MSN: variants seen among roughly 807,000 people sequenced by gnomAD.
MSN encodes the protein moesin, also known as epididymis luminal protein 70.
Under a neutral mutation model 48.0 loss-of-function variants are expected in MSN, and 2 were observed. The observed-to-expected ratio is 0.04, with a 90% CI of 0.02 to 0.13. MSN has a LOEUF of 0.13. MSN is among the 10% of genes least tolerant of loss of function. The probability of loss-of-function intolerance (pLI) is 1.00; values close to 1 mark genes in which losing one functional copy is unlikely to be tolerated. For missense variants in MSN, 267 were observed against 470.1 expected, an observed-to-expected ratio of 0.57 and a Z score of 3.99; for synonymous variants, 146 against 166.9, an observed-to-expected ratio of 0.87 and a Z score of 0.97.
chrX:65,655,498 T>C (rs1483119739), intron 1 of MSN, among the ~76,000 whole-genome samples: 1 of 112,344 alleles, frequency 8.9e-6, no homozygotes, highest in African/African-American at 3.2e-5. Context: ...TCCCAGAGTA[T>C]GGGGTCATGT....
chrX:65,654,288 T>G (rs1015930243), intron 1 of MSN, among the ~76,000 whole-genome samples: 2 of 107,803 alleles, frequency 1.9e-5, no homozygotes, highest in African/African-American at 3.4e-5. Flanking sequence ...TATTTATTTT[T>G]TTTTTGTATT....
intron 1 of MSN, among the ~76,000 whole-genome samples, chrX:65,713,897 A>C (rs2071437280): frequency 8.9e-6 from 1 of 111,938 alleles, no homozygotes; most frequent in African/African-American, 3.2e-5. Flanking sequence ...CTCGTGCCTC[A>C]GCCACCAAAG....
At chrX:65,646,667 C>T (rs764844771) in intron 1 of MSN, among the ~76,000 whole-genome samples, 3 of 112,124 alleles carry the variant, frequency 2.7e-5, no homozygotes, top group Admixed American at 9.5e-5. Context: ...CTAGTATGGC[C>T]GGGCGTGGTG....
intron 1 of MSN, among the ~76,000 whole-genome samples, chrX:65,671,499 G>A (rs748455377): frequency 2.9e-4 from 33 of 111,884 alleles, no homozygotes; most frequent in South Asian, 7.6e-4. Context: ...CACTCGAGTG[G>A]CACTAAAGTG....
chrX:65,687,624 G>T (rs2071128049), intron 1 of MSN, among the ~76,000 whole-genome samples: 2 of 111,852 alleles, frequency 1.8e-5, no homozygotes, highest in African/African-American at 3.3e-5. Flanking sequence ...TCTGGAGCAA[G>T]GAAAGTGATA....
intron 1 of MSN, among the ~76,000 whole-genome samples, chrX:65,684,742 A>G (rs1344108231): frequency 1.8e-5 from 2 of 110,906 alleles, no homozygotes; most frequent in Non-Finnish European, 3.8e-5. Context: ...CTGGCCAAAA[A>G]AGCTTTTTTA....
upstream of MSN, among the ~76,000 whole-genome samples, chrX:65,665,123 T>C (rs933976274): frequency 3.6e-5 from 4 of 111,219 alleles, no homozygotes; most frequent in Non-Finnish European, 7.5e-5. Flanking sequence ...ATGTGTGTTG[T>C]GGGGAGTGGT....
intron 2 of MSN, among the ~76,000 whole-genome samples, chrX:65,722,402 C>G (rs1276763920): frequency 1.2e-5 from 1 of 83,275 alleles, no homozygotes; most frequent in Non-Finnish European, 2.0e-5. Context: ...GGCGTGCACG[C>G]TCGTGTGTGT....
chrX:65,667,240 G>A (rs2070880212), upstream of MSN, among the ~76,000 whole-genome samples: 1 of 111,950 alleles, frequency 8.9e-6, no homozygotes, highest in Non-Finnish European at 1.9e-5. Flanking sequence ...TAGAGAAAAG[G>A]AGTTCAGACA....
chrX:65,720,485 A>T (rs956278834), intron 2 of MSN, among the ~76,000 whole-genome samples: 1 of 112,378 alleles, frequency 8.9e-6, no homozygotes, highest in Admixed American at 9.4e-5. Flanking sequence ...GGAATTGAGC[A>T]TTTGGCCCTC....
chrX:65,696,919 C>A (rs1385795425), intron 1 of MSN, among the ~76,000 whole-genome samples: 2 of 110,399 alleles, frequency 1.8e-5, no homozygotes, highest in African/African-American at 6.6e-5. Flanking sequence ...CCAAAACAAT[C>A]ATAGATCCAT....
intron 1 of MSN, among the ~76,000 whole-genome samples, chrX:65,610,174 T>C (rs894699739): frequency 8.9e-6 from 1 of 111,947 alleles, no homozygotes; most frequent in African/African-American, 3.2e-5. Flanking sequence ...TTCACAGTGT[T>C]GTGCAACCAT....
At chrX:65,695,122 G>A (rs956400408) in intron 1 of MSN, among the ~76,000 whole-genome samples, 1 of 109,572 alleles carries the variant, frequency 9.1e-6, no homozygotes, top group African/African-American at 3.3e-5. Flanking sequence ...TGGTGGTGGT[G>A]GTGGAGTATA....
intron 1 of MSN, among the ~76,000 whole-genome samples, chrX:65,619,318 C>T (rs1326898217): frequency 2.0e-5 from 2 of 100,875 alleles, no homozygotes; most frequent in African/African-American, 9.1e-5. Context: ...AACTTGATTC[C>T]ATTCTCCACA....
At chrX:65,683,889 A>G (rs1049291774) in intron 1 of MSN, among the ~76,000 whole-genome samples, 3 of 109,494 alleles carry the variant, frequency 2.7e-5, no homozygotes, top group East Asian at 5.6e-4. Flanking sequence ...GACAACCATC[A>G]TTAACCAGTT....
chrX:65,682,900 G>C (rs2071071608), intron 1 of MSN, among the ~76,000 whole-genome samples: 1 of 111,989 alleles, frequency 8.9e-6, no homozygotes, highest in Non-Finnish European at 1.9e-5. Flanking sequence ...GGTAGCACCG[G>C]GGAATGGGAA....
chrX:65,638,075 A>G (rs1470283536), intron 1 of MSN, among the ~76,000 whole-genome samples: 1 of 112,465 alleles, frequency 8.9e-6, no homozygotes, highest in Non-Finnish European at 1.9e-5. Context: ...TGGATTGTCA[A>G]TAAAAATATT....
intron 1 of MSN, among the ~76,000 whole-genome samples, chrX:65,699,107 A>G (rs980874170): frequency 3.6e-5 from 4 of 112,002 alleles, no homozygotes; most frequent in Admixed American, 2.8e-4. Flanking sequence ...TACGTACTTC[A>G]TATTTTGAAG....
rs1057004519 is a variant in MSN, at chrX:65,606,223, G to C, written c.-22+17611G>C. 1.4e-4 allele frequency among the ~76,000 whole-genome samples: 15 copies of C among 108,284 alleles called. No individual in the cohort carries two copies. In the Admixed American group the frequency reaches 1.4e-3, roughly 10 times the overall value. The allele number at this position is 108,284 out of a possible 115,157, so 94.0% of individuals were successfully genotyped here. On this transcript the variant is annotated intron_variant, in intron 1 of 3. Coordinates refer to the MSN transcript ENST00000609672. ...TGGCTCACTGCAACCTCCGCCTCCTGGGTTCAAGCAATTCTCTGCCTCAGC... is the reference window on the plus strand; with the variant it reads ...TGGCTCACTGCAACCTCCGCCTCCTCGGTTCAAGCAATTCTCTGCCTCAGC...
Sources: gnomAD v4.1 joint callset for allele counts (sites outside exome capture counted in the v4.1 genomes callset) on GRCh38, gnomAD v4.1.1 for gene constraint, MANE v1.5 for transcripts, NCBI Gene and HGNC (gene_info 2026-07-23, HGNC 2026-07-21) for gene names.